The following CABLES1 variants were observed in gnomAD, a reference collection of about 807,000 sequenced individuals.
CABLES1 encodes the protein CDK5 and ABL1 enzyme substrate 1.
Under a neutral mutation model 57.8 loss-of-function variants are expected in CABLES1, and 36 were observed. That is an observed-to-expected ratio of 0.62 (90% CI 0.48 to 0.82). CABLES1 has a LOEUF of 0.82. CABLES1 is among the 40% of genes least tolerant of loss of function. The pLI is 0.00. For missense variants in CABLES1, 767 were observed against 836.6 expected (o/e 0.92, Z 1.03); for synonymous variants, 374 against 363.0 (o/e 1.03, Z -0.35).
At chr18:23,228,820 A>T (rs181966120) in intron 4 of CABLES1, among the ~76,000 whole-genome samples, 81 of 152,138 alleles carry the variant, frequency 5.3e-4, no homozygotes, top group African/African-American at 1.9e-3. Flanking sequence ...GCCTCTGCAG[A>T]AGTTCACAAA....
intron 1 of CABLES1, among the ~76,000 whole-genome samples, chr18:23,161,212 A>G (rs923156964): frequency 1.1e-4 from 16 of 152,180 alleles, no homozygotes; most frequent in Non-Finnish European, 2.2e-4. Flanking sequence ...TCTGTCTCTC[A>G]AAATAAATGA....
intron 1 of CABLES1, among the ~76,000 whole-genome samples, chr18:23,185,413 G>A (rs1011242594): frequency 2.6e-5 from 4 of 152,148 alleles, no homozygotes; most frequent in South Asian, 2.1e-4. Flanking sequence ...GGATCCCCAC[G>A]TGACTCTCAG....
intron 1 of CABLES1, among the ~76,000 whole-genome samples, chr18:23,137,759 C>CT (rs1255933136): frequency 6.6e-6 from 1 of 152,202 alleles, no homozygotes; most frequent in Non-Finnish European, 1.5e-5. Context: ...CCCTAGTGTA[C>CT]TTCTTCCGAA....
At chr18:23,188,800 GC>G (rs1568060037) in intron 1 of CABLES1, 37 bp from the exon 2 acceptor site, 2 of 1,420,704 alleles carry the variant, frequency 1.4e-6, no homozygotes, top group Non-Finnish European at 2.0e-6. Context: ...GTTCTGCAAT[GC>G]AGTTTTAACT....
chr18:23,231,478 ATTC>A (rs1002019222), intron 4 of CABLES1, among the ~76,000 whole-genome samples: 1 of 152,188 alleles, frequency 6.6e-6, no homozygotes, highest in African/African-American at 2.4e-5. Context: ...TGGCCCCACT[ATTC>A]TTGCTTATTT....
intron 3 of CABLES1, among the ~76,000 whole-genome samples, chr18:23,200,270 T>G (rs977048382): frequency 6.6e-6 from 1 of 151,998 alleles, no homozygotes; most frequent in Non-Finnish European, 1.5e-5. Flanking sequence ...AGGGTAGATT[T>G]TTTTTTTTAG....
chr18:23,180,672 G>A (rs568082979), intron 1 of CABLES1, among the ~76,000 whole-genome samples: 2 of 152,134 alleles, frequency 1.3e-5, no homozygotes, highest in Non-Finnish European at 2.9e-5. Flanking sequence ...ACTAAGCGCA[G>A]CTGATTTTAA....
rs2048078017 is a variant in CABLES1, at chr18:23,253,053, A to C, written c.1540A>C (p.Ser514Arg). Residue 514 changes from serine to arginine, a missense_variant, in exon 8 of 10, where the codon AGC becomes CGC. Ser to Arg is a moderately radical substitution (Grantham distance 110, BLOSUM62 -1). This residue lies in a region of CABLES1 where 529 missense variants were observed against 622.8 expected (regional missense o/e 0.85). Transcript: ENST00000256925. ...EKFPHIKLTL[S>R]KIRSLKREMR... ...GTTTCCTCACATTAAGCTGACACTC[A>C]GCAAAATTAGGAGGTACGGGAGGCT... The C allele has an allele frequency of 6.2e-7, 1 of 1,609,052 alleles. No individual in the cohort carries two copies.
chr18:23,243,344 G>A (rs1039505888), intron 7 of CABLES1, among the ~76,000 whole-genome samples: 9 of 152,048 alleles, frequency 5.9e-5, no homozygotes, highest in South Asian at 2.1e-4. Context: ...GCCCTCAGGC[G>A]CACAGGCCTG....
chr18:23,227,132 C>T (rs900896322), intron 4 of CABLES1: 1 of 152,056 alleles, frequency 6.6e-6, no homozygotes, highest in African/African-American at 2.4e-5. Flanking sequence ...TGAGGTCATC[C>T]GCTTGGGTCC....
At chr18:23,187,418 C>T (rs913014491) in intron 1 of CABLES1, among the ~76,000 whole-genome samples, 11 of 152,226 alleles carry the variant, frequency 7.2e-5, no homozygotes, top group African/African-American at 2.2e-4. Flanking sequence ...GACGGAGTCT[C>T]GCTCTGTCTC....
chr18:23,240,280 G>T (rs2047702614), intron 7 of CABLES1, among the ~76,000 whole-genome samples: 1 of 152,186 alleles, frequency 6.6e-6, no homozygotes, highest in Non-Finnish European at 1.5e-5. Context: ...GAGCCCAGTG[G>T]AAAGACCCCA....
chr18:23,203,137 C>T (rs1005462086), intron 3 of CABLES1, among the ~76,000 whole-genome samples: 3 of 152,138 alleles, frequency 2.0e-5, no homozygotes, highest in African/African-American at 7.2e-5. Flanking sequence ...ACAGAGCCCT[C>T]GTTTCATGTG....
At chr18:23,228,335 A>G (rs1033005291) in intron 4 of CABLES1, among the ~76,000 whole-genome samples, 2 of 152,032 alleles carry the variant, frequency 1.3e-5, no homozygotes, top group Admixed American at 6.5e-5. Flanking sequence ...CGGCCGTTTT[A>G]TGATTAATAA....
At chr18:23,246,006 G>A (rs2047868820) in intron 7 of CABLES1, among the ~76,000 whole-genome samples, 1 of 152,142 alleles carries the variant, frequency 6.6e-6, no homozygotes, top group South Asian at 2.1e-4. Flanking sequence ...GGTGGCTCAC[G>A]CCTGTAATCC....
chr18:23,196,730 T>TC (rs1457820541), intron 3 of CABLES1: 26 of 152,064 alleles, frequency 1.7e-4, no homozygotes, highest in Admixed American at 1.7e-3. Flanking sequence ...GGGTCTCCGA[T>TC]CCCCCCACCT....
In CABLES1 at chr18:23,171,302, G is replaced by C. The variant is rs2047080674; in HGVS notation, c.846-17536G>C. On this transcript the variant is annotated intron_variant, in intron 1 of 9. Transcript: ENST00000256925. Reference sequence around the variant, plus strand: ...TCACCGGATTGTTCTTAAAGGCAAGGCTTTTGCTCTAGTCATCCTGGATTC... The same window carrying C: ...TCACCGGATTGTTCTTAAAGGCAAGCCTTTTGCTCTAGTCATCCTGGATTC... 3.3e-5 allele frequency among the ~76,000 whole-genome samples: 5 copies of C among 152,306 alleles called. No homozygotes were observed. In the South Asian group the frequency reaches 1.0e-3, roughly 32 times the overall value.
At chr18:23,149,159 G>C (rs1310814904) in intron 1 of CABLES1, among the ~76,000 whole-genome samples, 1 of 152,162 alleles carries the variant, frequency 6.6e-6, no homozygotes, top group Non-Finnish European at 1.5e-5. Flanking sequence ...CTCCCAAAGT[G>C]CTGGGATTGC....
At chr18:23,255,697 C>A (rs1201830196) in intron 9 of CABLES1, among the ~76,000 whole-genome samples, 1 of 151,678 alleles carries the variant, frequency 6.6e-6, no homozygotes, top group East Asian at 1.9e-4. Flanking sequence ...GTAGCTGGAA[C>A]TACAGGCATG....
Sources: allele counts gnomAD v4.1 joint callset (sites outside exome capture counted in the v4.1 genomes callset), GRCh38; gene constraint gnomAD v4.1.1; regional missense constraint gnomAD v4.1.1; transcripts MANE v1.5; gene names NCBI Gene and HGNC (gene_info 2026-07-23, HGNC 2026-07-21).